Variants in CADPS2 observed in about 807,000 individuals in gnomAD.
CADPS2 encodes calcium dependent secretion activator 2, also known as calcium-dependent secretion activator 2.
CADPS2 carries 93 observed loss-of-function variants against 172.5 expected under a neutral mutation model. The observed-to-expected ratio is 0.54, with a 90% CI of 0.46 to 0.64. CADPS2 has a LOEUF of 0.64. CADPS2 is among the 30% of genes least tolerant of loss of function. The pLI is 0.00. For synonymous variants in CADPS2, 546 were observed against 555.2 expected (o/e 0.98, Z 0.23); for missense variants, 1,420 against 1,565.9 (o/e 0.91, Z 1.57).
At chr7:122,593,691 TC>T (rs1187941368) in intron 6 of CADPS2, among the ~76,000 whole-genome samples, 2 of 151,924 alleles carry the variant, frequency 1.3e-5, no homozygotes, top group African/African-American at 4.8e-5. Context: ...TTCATCTGTT[TC>T]ATAAAATGGT....
intron 1 of CADPS2, among the ~76,000 whole-genome samples, chr7:122,800,002 T>C (rs1797260255): frequency 6.6e-6 from 1 of 152,224 alleles, no homozygotes; most frequent in South Asian, 2.1e-4. Flanking sequence ...TAACCTCTAC[T>C]ACTCGGTTAT....
At chr7:122,679,701 C>T (rs1371896647) in intron 2 of CADPS2, among the ~76,000 whole-genome samples, 1 of 151,986 alleles carries the variant, frequency 6.6e-6, no homozygotes, top group African/African-American at 2.4e-5. Flanking sequence ...ATTATGTCTC[C>T]CCTGGACATC....
At chr7:122,535,638 A>AG (rs2062187018) in intron 8 of CADPS2, among the ~76,000 whole-genome samples, 1 of 152,102 alleles carries the variant, frequency 6.6e-6, no homozygotes, top group Non-Finnish European at 1.5e-5. Flanking sequence ...CATTCCTGTA[A>AG]GAACTAGTAG....
chr7:122,740,890 C>T (rs1016380608), intron 1 of CADPS2, among the ~76,000 whole-genome samples: 2 of 151,968 alleles, frequency 1.3e-5, no homozygotes, highest in African/African-American at 4.8e-5. Context: ...TCCATGAAAA[C>T]AAGCCTACAT....
intron 1 of CADPS2, among the ~76,000 whole-genome samples, chr7:122,842,019 G>C (rs1810670919): frequency 6.6e-6 from 1 of 152,332 alleles, no homozygotes; most frequent in African/African-American, 2.4e-5. Context: ...GCCTGGGTTA[G>C]CAGCAGCTGA....
intron 6 of CADPS2, among the ~76,000 whole-genome samples, chr7:122,604,131 A>G (rs973986288): frequency 6.6e-6 from 1 of 152,116 alleles, no homozygotes; most frequent in African/African-American, 2.4e-5. Flanking sequence ...CTTTCATTCA[A>G]TGTATTTCTG....
rs940273442 is a variant in CADPS2, at chr7:122,425,260, C to T, written c.2477-9096G>A. ...GCTCCCAAAGTGCTGGGATTACATT[C>T]GTGAGCCACCATACTCAGCCATACA... On this transcript the variant is annotated intron_variant, in intron 17 of 29. Transcript: ENST00000449022. Among the ~76,000 whole-genome samples, 10 of 151,874 alleles carry T rather than the reference C, an allele frequency of 6.6e-5. No individual in the cohort carries two copies. In the East Asian group the frequency reaches 1.4e-3, roughly 21 times the overall value.
At chr7:122,830,972 A>T (rs911332134) in intron 1 of CADPS2, among the ~76,000 whole-genome samples, 1 of 152,196 alleles carries the variant, frequency 6.6e-6, no homozygotes, top group Non-Finnish European at 1.5e-5. Context: ...TTGAGTGGAA[A>T]CAGGAAGAAA....
intron 7 of CADPS2, among the ~76,000 whole-genome samples, chr7:122,573,779 T>C (rs574144600): frequency 9.9e-5 from 15 of 152,248 alleles, no homozygotes; most frequent in African/African-American, 3.6e-4. Flanking sequence ...ATTCAAACAT[T>C]TTATAAAATG....
intron 14 of CADPS2, among the ~76,000 whole-genome samples, chr7:122,461,886 G>A (rs28684792): frequency 0.031 from 4,704 of 151,858 alleles, 153 homozygotes; most frequent in African/African-American, 0.074. Context: ...GAGCCACCTC[G>A]CCTGGCCTGC....
chr7:122,665,845 A>T (rs896556603), intron 2 of CADPS2, among the ~76,000 whole-genome samples: 1 of 152,214 alleles, frequency 6.6e-6, no homozygotes, highest in African/African-American at 2.4e-5. Flanking sequence ...TTACTATTGG[A>T]AAGTCTCCCT....
intron 1 of CADPS2, among the ~76,000 whole-genome samples, chr7:122,805,912 C>T (rs1721988708): frequency 6.6e-6 from 1 of 152,198 alleles, no homozygotes; most frequent in Non-Finnish European, 1.5e-5. Context: ...AACATTAGCT[C>T]TTCATGGATG....
chr7:122,547,715 A>G (rs1218825900), intron 8 of CADPS2, among the ~76,000 whole-genome samples: 1 of 152,164 alleles, frequency 6.6e-6, no homozygotes, highest in African/African-American at 2.4e-5. Flanking sequence ...TAAATATCAC[A>G]CAGATAATAA....
intron 11 of CADPS2, among the ~76,000 whole-genome samples, chr7:122,484,268 T>C (rs2057583685): frequency 6.6e-6 from 1 of 152,128 alleles, no homozygotes; most frequent in African/African-American, 2.4e-5. Context: ...AACTGTAAGA[T>C]TTACCAAGCT....
At chr7:122,419,008 T>C (rs2048255315) in intron 17 of CADPS2, among the ~76,000 whole-genome samples, 1 of 152,100 alleles carries the variant, frequency 6.6e-6, no homozygotes, top group South Asian at 2.1e-4. Flanking sequence ...CTTCTCAGAG[T>C]TCTGGGTCTG....
intron 28 of CADPS2, chr7:122,338,928 T>A (rs1294051508): frequency 1.0e-5 from 1 of 96,762 alleles, no homozygotes; most frequent in Admixed American, 9.8e-5. Flanking sequence ...GCTAGGCTAA[T>A]TTTTTTTTTT....
chr7:122,841,073 G>A (rs1215169526), intron 1 of CADPS2, among the ~76,000 whole-genome samples: 2 of 152,098 alleles, frequency 1.3e-5, no homozygotes, highest in Non-Finnish European at 2.9e-5. Context: ...AATAAATGGA[G>A]GAAGAACATG....
chr7:122,781,757 T>C (rs1036963797), intron 1 of CADPS2, among the ~76,000 whole-genome samples: 27 of 152,316 alleles, frequency 1.8e-4, no homozygotes, highest in African/African-American at 5.0e-4. Context: ...TTACACTGTT[T>C]TATTTAGAAA....
At chr7:122,707,949 T>C (rs550387709) in intron 2 of CADPS2, among the ~76,000 whole-genome samples, 4 of 151,894 alleles carry the variant, frequency 2.6e-5, no homozygotes, top group South Asian at 2.1e-4. Context: ...TATTTCTATA[T>C]ATATATTTTA....
Sources: gnomAD v4.1 joint callset for allele counts (sites outside exome capture counted in the v4.1 genomes callset) on GRCh38, gnomAD v4.1.1 for gene constraint, MANE v1.5 for transcripts, NCBI Gene and HGNC (gene_info 2026-07-23, HGNC 2026-07-21) for gene names.